Variants in CUBN observed in about 807,000 individuals in gnomAD.
CUBN encodes the protein 460 kDa receptor.
A neutral mutation model predicts 405.3 loss-of-function variants in CUBN; 282 were observed. That is an observed-to-expected ratio of 0.70 (90% CI 0.63 to 0.77). CUBN has a LOEUF of 0.77. Among genes scored for constraint, CUBN ranks in the 30% least tolerant of loss-of-function variants. CUBN has a pLI of 0.00. For missense variants in CUBN, 4,514 were observed against 4,475.2 expected (o/e 1.01, Z -0.25); for synonymous variants, 1,684 against 1,617.0 (o/e 1.04, Z -0.99).
At chr10:16,976,161 AGGGTCTC>A (rs1487367758) in intron 31 of CUBN, among the ~76,000 whole-genome samples, 10 of 151,770 alleles carry the variant, frequency 6.6e-5, no homozygotes, top group Non-Finnish European at 1.2e-4. Context: ...TTGTAGAGAC[AGGGTCTC>A]ACTACATTGC....
At chr10:16,895,253 G>A (rs1223603077) in intron 54 of CUBN, among the ~76,000 whole-genome samples, 1 of 151,986 alleles carries the variant, frequency 6.6e-6, no homozygotes, top group Non-Finnish European at 1.5e-5. Context: ...CTCAGGATAT[G>A]ATCTACCTTG....
chr10:17,100,070 T>C lies in CUBN; in HGVS notation c.1700A>G (p.His567Arg). Residue 567 changes from histidine (H) to arginine (R), a missense_variant, in exon 14 of 67, where the codon CAT becomes CGT. This residue lies in a region of CUBN where 1,448 missense variants were observed against 1,388.0 expected (regional missense o/e 1.04). Transcript: ENST00000377833. Reference sequence around the variant, plus strand: ...ATTTCTTAAATGTTCAGAATAGAGATGAAAATAGAGAGCATTGTCACTGCT... The same window carrying C: ...ATTTCTTAAATGTTCAGAATAGAGACGAAAATAGAGAGCATTGTCACTGCT... Reference protein sequence around the residue: ...LLSSDNALYFHLYSEHLRNGR... With the variant: ...LLSSDNALYFRLYSEHLRNGR... 1 of 1,613,932 alleles carries C rather than the reference T, an allele frequency of 6.2e-7. No individual in the cohort carries two copies. Among genetic ancestry groups the C allele is most frequent in the Non-Finnish European group, 8.5e-7 (1 of 1,179,926 alleles).
chr10:16,931,494 T>G (rs1030778799), intron 40 of CUBN, among the ~76,000 whole-genome samples: 1 of 152,228 alleles, frequency 6.6e-6, no homozygotes, highest in African/African-American at 2.4e-5. Context: ...TGTGTTGTTT[T>G]GGCACGCACC....
At chr10:16,850,146 G>A (rs1359485547) in intron 60 of CUBN, among the ~76,000 whole-genome samples, 1 of 152,150 alleles carries the variant, frequency 6.6e-6, no homozygotes, top group African/African-American at 2.4e-5. Flanking sequence ...GATCACACGA[G>A]TTTCATGAAC....
intron 31 of CUBN, 78 bp downstream of exon 31, chr10:16,982,406 A>T: frequency 7.8e-7 from 1 of 1,286,950 alleles, no homozygotes; most frequent in Non-Finnish European, 1.1e-6. Context: ...TAAGTAATAC[A>T]TTCACTAAAT....
intron 28 of CUBN, among the ~76,000 whole-genome samples, chr10:17,016,296 A>G (rs550252555): frequency 6.6e-6 from 1 of 152,180 alleles, no homozygotes; most frequent in Non-Finnish European, 1.5e-5. Context: ...TTACAACTCC[A>G]GTCCCCATAA....
At chr10:16,991,202 C>T (rs74116795) in intron 28 of CUBN, among the ~76,000 whole-genome samples, 5,728 of 152,246 alleles carry the variant, frequency 0.038, 393 homozygotes, top group African/African-American at 0.13. Context: ...CTGTAGCCTG[C>T]GGCACACAGT....
intron 19 of CUBN, among the ~76,000 whole-genome samples, chr10:17,069,354 T>C (rs896093966): frequency 4.6e-5 from 7 of 152,226 alleles, no homozygotes; most frequent in Non-Finnish European, 1.0e-4. Flanking sequence ...TATCTAAAAG[T>C]AGAATTGCTG....
At chr10:16,967,287 T>A (rs1056041060) in intron 31 of CUBN, among the ~76,000 whole-genome samples, 1 of 152,214 alleles carries the variant, frequency 6.6e-6, no homozygotes, top group Non-Finnish European at 1.5e-5. Context: ...CAAGAGACTA[T>A]AAACTCTAAA....
chr10:17,106,409 C>T (rs1486163366), intron 10 of CUBN, among the ~76,000 whole-genome samples: 1 of 151,696 alleles, frequency 6.6e-6, no homozygotes, highest in Admixed American at 6.6e-5. Flanking sequence ...TGAGACCAGC[C>T]TGGCCAAGAT....
chr10:17,065,131 C>A (rs866134800), intron 22 of CUBN, among the ~76,000 whole-genome samples: 1 of 5,628 alleles, frequency 1.8e-4, no homozygotes, highest in Non-Finnish European at 5.0e-4. Flanking sequence ...TCTCTCTCTC[C>A]CCCCCCCCCC....
At chr10:17,033,517 A>G (rs1310244057) in intron 27 of CUBN, among the ~76,000 whole-genome samples, 1 of 152,238 alleles carries the variant, frequency 6.6e-6, no homozygotes, top group Non-Finnish European at 1.5e-5. Flanking sequence ...AAAGGAATGA[A>G]GAATGCATAT....
intron 27 of CUBN, among the ~76,000 whole-genome samples, chr10:17,034,440 A>C (rs1834851166): frequency 1.3e-5 from 2 of 152,196 alleles, no homozygotes; most frequent in African/African-American, 2.4e-5. Context: ...TGTTAACAAG[A>C]TGCCTATTAA....
intron 4 of CUBN, among the ~76,000 whole-genome samples, chr10:17,126,414 C>T (rs1837192125): frequency 6.6e-6 from 1 of 150,766 alleles, no homozygotes; most frequent in Non-Finnish European, 1.5e-5. Context: ...GCTTTCCGAG[C>T]CCCAGTCCCT....
intron 56 of CUBN, among the ~76,000 whole-genome samples, chr10:16,881,678 T>C (rs191233915): frequency 5.3e-5 from 8 of 152,338 alleles, no homozygotes; most frequent in Admixed American, 5.2e-4. Flanking sequence ...TCCTTTCTAG[T>C]AGTCGTTTGT....
chr10:16,990,623 T>C, intron 28 of CUBN, 108 bp from the exon 29 acceptor site: 1 of 874,096 alleles, frequency 1.1e-6, no homozygotes, highest in Admixed American at 2.5e-5. Context: ...ATGCTTAATT[T>C]AGGAGAAAAC....
At chr10:16,939,368 A>G (rs1842597103) in intron 37 of CUBN, among the ~76,000 whole-genome samples, 1 of 152,152 alleles carries the variant, frequency 6.6e-6, no homozygotes, top group Non-Finnish European at 1.5e-5. Context: ...AGAGGCCACA[A>G]CTTCCCATGT....
In CUBN at chr10:16,824,880, C is replaced by T. The variant is rs1838727932; in HGVS notation, c.*95G>A. ...AAACCATACAAGTTCAGCTTATTCT[C>T]TGTGGCATCAGCAGGGGTCATGTAT... On this transcript the variant is annotated 3_prime_UTR_variant, in exon 67 of 67. Coordinates refer to ENST00000377833, the MANE Select transcript of CUBN (RefSeq NM_001081.4). 3 of 855,874 alleles carry T rather than the reference C, an allele frequency of 3.5e-6. No homozygotes were observed. In the Admixed American group the frequency reaches 5.7e-5, roughly 16 times the overall value. The allele number at this position is 855,874 out of a possible 1,614,324, so 53.0% of individuals were successfully genotyped here.
intron 33 of CUBN, among the ~76,000 whole-genome samples, chr10:16,951,437 G>T (rs1473731586): frequency 1.3e-5 from 2 of 152,172 alleles, no homozygotes; most frequent in African/African-American, 4.8e-5. Context: ...TTTTCACACA[G>T]GCGATTAATT....
Sources: gnomAD v4.1 joint callset for allele counts (sites outside exome capture counted in the v4.1 genomes callset) on GRCh38, gnomAD v4.1.1 for gene constraint, gnomAD v4.1.1 regional missense constraint, MANE v1.5 for transcripts, NCBI Gene and HGNC (gene_info 2026-07-23, HGNC 2026-07-21) for gene names.